Variants in DCAF17 observed in about 807,000 individuals in gnomAD.
DCAF17 encodes DDB1 and CUL4 associated factor 17, also known as DDB1- and CUL4-associated factor 17.
In DCAF17, 48 loss-of-function variants were observed where a neutral mutation model predicts 66.0. That is an observed-to-expected ratio of 0.73 (90% CI 0.58 to 0.92). The LOEUF is 0.92. Ranked by LOEUF, DCAF17 falls within the 40% of genes least tolerant of loss-of-function variation. The pLI is 0.00. For synonymous variants in DCAF17, 206 were observed against 214.6 expected, an observed-to-expected ratio of 0.96 and a Z score of 0.35; for missense variants, 562 against 622.8, an observed-to-expected ratio of 0.90 and a Z score of 1.04.
chr2:171,460,086 A>G (rs1489056828), intron 8 of DCAF17, among the ~76,000 whole-genome samples: 7 of 152,136 alleles, frequency 4.6e-5, no homozygotes, highest in Admixed American at 4.6e-4. Context: ...GCACTTTGGG[A>G]GGCTGAGGCG....
In DCAF17 at chr2:171,439,352, C is replaced by G. The variant is rs1694155547; in HGVS notation, c.230+4166C>G. ...GAATATTCTGTTCTACTTTTTCTTT[C>G]TTTTTCCTCTTTTATTGCCCCAGCT... On this transcript the variant is annotated intron_variant, in intron 2 of 13. Transcript: ENST00000375255. Among the ~76,000 whole-genome samples the G allele has an allele frequency of 2.0e-5, 3 of 151,662 alleles. No homozygotes were observed. The South Asian group carries it at 6.2e-4, about 32-fold the overall frequency.
rs1695347449 is a variant in DCAF17, at chr2:171,457,881, A to G, written c.628-90A>G. The G allele has an allele frequency of 3.0e-6, 3 of 1,001,604 alleles. No homozygotes were observed. In the African/African-American group the frequency reaches 4.8e-5, roughly 16 times the overall value. The allele number at this position is 1,001,604 out of a possible 1,614,324, so 62.0% of individuals were successfully genotyped here. On this transcript the variant is annotated intron_variant, in intron 6 of 13. Coordinates refer to ENST00000375255, the MANE Select transcript of DCAF17 (RefSeq NM_025000.4). ...CGGCAGTGTTATCATAGTGACATGAATATTAAGCAAGAGTACAAACCACTG... is the reference window on the plus strand; with the variant it reads ...CGGCAGTGTTATCATAGTGACATGAGTATTAAGCAAGAGTACAAACCACTG...
At chr2:171,468,852 A>G in intron 8 of DCAF17, 36 bp from the exon 9 acceptor site, 2 of 1,614,044 alleles carry the variant, frequency 1.2e-6, no homozygotes, top group Non-Finnish European at 1.7e-6. Context: ...CCCCCAGAAC[A>G]GTGCAGCTAA....
intron 12 of DCAF17, among the ~76,000 whole-genome samples, chr2:171,478,345 T>A (rs1462540817): frequency 1.3e-5 from 2 of 152,110 alleles, no homozygotes; most frequent in Admixed American, 6.5e-5. Context: ...TTATTTTGTA[T>A]TGTTTTGTTT....
chr2:171,440,040 T>C (rs1468395877), intron 2 of DCAF17, among the ~76,000 whole-genome samples: 1 of 152,178 alleles, frequency 6.6e-6, no homozygotes, highest in Admixed American at 6.5e-5. Context: ...TAGTGCACTG[T>C]AGCCCCAAAC....
At chr2:171,473,392 G>A (rs571765992) in intron 9 of DCAF17, among the ~76,000 whole-genome samples, 2 of 152,096 alleles carry the variant, frequency 1.3e-5, no homozygotes, top group East Asian at 3.9e-4. Context: ...ATCACTTGAG[G>A]CCAGGAGTTT....
rs1882378 is a variant in DCAF17 at position 171,480,753 on chromosome 2, C to T, written c.1423-221C>T. ...GCAATAGAATCTGGGTATTTAGACT[C>T]CTGGGTCCAGAGTTCTTTTTATTCT... is the stretch of plus-strand genomic sequence containing the variant. On this transcript the variant is annotated intron_variant, in intron 13 of 13. Transcript: ENST00000375255. Among the ~76,000 whole-genome samples the T allele has an allele frequency of 0.031, 4,650 of 152,222 alleles. 80 individuals carry two copies. The highest frequency in any genetic ancestry group is 0.051 in the East Asian group (266 of 5,188).
intron 2 of DCAF17, among the ~76,000 whole-genome samples, chr2:171,437,596 T>G (rs1443425153): frequency 1.3e-5 from 2 of 152,240 alleles, no homozygotes; most frequent in African/African-American, 4.8e-5. Flanking sequence ...TTACATTTCT[T>G]TAATAGATAC....
At chr2:171,447,688 AAC>A (rs1694714876) in intron 3 of DCAF17, among the ~76,000 whole-genome samples, 1 of 152,064 alleles carries the variant, frequency 6.6e-6, no homozygotes, top group Non-Finnish European at 1.5e-5. Flanking sequence ...TTTATCTAGA[AAC>A]AGAGTCTTGC....
At chr2:171,462,024 G>A (rs545106801) in intron 8 of DCAF17, among the ~76,000 whole-genome samples, 4 of 152,084 alleles carry the variant, frequency 2.6e-5, no homozygotes, top group Non-Finnish European at 5.9e-5. Flanking sequence ...TATATTATGA[G>A]TATTTCCATC....
chr2:171,480,201 G>T lies in DCAF17; in HGVS notation c.1422+8G>T, dbSNP rs1022750264. On this transcript the variant is annotated splice_region_variant and intron_variant, in intron 13 of 13. Coordinates refer to ENST00000375255, the MANE Select transcript of DCAF17 (RefSeq NM_025000.4). ...GTGGAGTCATGGGATGTGGTGAGTA[G>T]AGTCCGTGGGATACAAAGTTGTAAA... The T allele has an allele frequency of 6.2e-7, 1 of 1,612,776 alleles. No homozygotes were observed. The highest frequency in any genetic ancestry group is 1.7e-5 in the Admixed American group (1 of 59,946).
chr2:171,484,017 G>T lies in DCAF17; in HGVS notation c.*2903G>T, dbSNP rs912685245. Reference sequence around the variant, plus strand: ...AATCGTTTTTTACTGATGATTCAGTGTCTAAATTTTGAACAAATTTGGGTA... The same window carrying T: ...AATCGTTTTTTACTGATGATTCAGTTTCTAAATTTTGAACAAATTTGGGTA... On this transcript the variant is annotated 3_prime_UTR_variant, in exon 14 of 14. Transcript: ENST00000375255. The T allele has an allele frequency of 4.4e-6, 2 of 453,804 alleles. No homozygotes were observed. The highest frequency in any genetic ancestry group is 2.0e-5 in the African/African-American group (1 of 50,076). The allele number at this position is 453,804 out of a possible 1,614,324, so 28.1% of individuals were successfully genotyped here.
In DCAF17 at chr2:171,459,755, A is replaced by G. The variant is rs183521978; in HGVS notation, c.838+1278A>G. The stretch of plus-strand genomic sequence containing the variant: ...TTTGGTAGTAAATGACAAATTATAA[A>G]AACTACTGGGAGTTCAAGTAAGTTA... On this transcript the variant is annotated intron_variant, in intron 8 of 13. Coordinates refer to ENST00000375255, the MANE Select transcript of DCAF17 (RefSeq NM_025000.4). 1.1e-4 allele frequency among the ~76,000 whole-genome samples: 16 copies of G among 152,350 alleles called. 1 individual carries two copies. In the East Asian group the frequency reaches 3.1e-3, roughly 29 times the overall value.
chr2:171,438,018 C>T lies in DCAF17; in HGVS notation c.230+2832C>T, dbSNP rs1694069107. ...TTACTGCTATACCTTTTCCTCTAAG[C>T]ATTGTTTTTGTTGCATCCCACAAAT... On this transcript the variant is annotated intron_variant, in intron 2 of 13. Coordinates refer to ENST00000375255, the MANE Select transcript of DCAF17 (RefSeq NM_025000.4). Among the ~76,000 whole-genome samples, 2 of 152,198 alleles carry T rather than the reference C, an allele frequency of 1.3e-5. 1 individual carries two copies. The highest frequency in any genetic ancestry group is 4.8e-5 in the African/African-American group (2 of 41,452).
At chr2:171,439,151 C>T (rs1211963956) in intron 2 of DCAF17, among the ~76,000 whole-genome samples, 1 of 151,978 alleles carries the variant, frequency 6.6e-6, no homozygotes, top group Non-Finnish European at 1.5e-5. Flanking sequence ...AAGATTTTCT[C>T]TTCACTTTTG....
In DCAF17 at chr2:171,466,301, T is replaced by C. The variant is rs758118536; in HGVS notation, c.839-2587T>C. Among the ~76,000 whole-genome samples the C allele has an allele frequency of 1.7e-3, 252 of 152,356 alleles. 5 individuals carry two copies. The highest frequency in any genetic ancestry group is 8.2e-4 in the Non-Finnish European group (56 of 68,022). Reference sequence around the variant, plus strand: ...TTTGATAAATAGTAAAGTTATTTTGTATGCTTTATGTTAAAATTGTCTTTT... The same window carrying C: ...TTTGATAAATAGTAAAGTTATTTTGCATGCTTTATGTTAAAATTGTCTTTT... On this transcript the variant is annotated intron_variant, in intron 8 of 13. Transcript: ENST00000375255.
At position 171,469,150 on chromosome 2, in the gene DCAF17, A is replaced by G. The variant is rs892227679; in HGVS notation, c.981+120A>G. 9 of 1,095,806 alleles carry G rather than the reference A, an allele frequency of 8.2e-6. No homozygotes were observed. The Admixed American group carries it at 1.2e-4, about 15-fold the overall frequency. 67.9% of individuals were successfully genotyped at this position (1,095,806 alleles called of 1,614,324 possible). On this transcript the variant is annotated intron_variant, in intron 9 of 13. Coordinates refer to ENST00000375255, the MANE Select transcript of DCAF17 (RefSeq NM_025000.4). The stretch of plus-strand genomic sequence containing the variant: ...TTGTGCATTTGTATTAACAATTTGC[A>G]AACAATTTAAAATACAGAAGAATAC...
At chr2:171,476,257 C>A (rs966447961) in intron 10 of DCAF17, among the ~76,000 whole-genome samples, 10 of 151,706 alleles carry the variant, frequency 6.6e-5, no homozygotes, top group Non-Finnish European at 1.2e-4. Flanking sequence ...ATTTTATTTT[C>A]TTTTAATAGG....
intron 2 of DCAF17, 104 bp downstream of exon 2, chr2:171,435,290 G>GA (rs1693800807): frequency 2.3e-6 from 2 of 859,584 alleles, no homozygotes; most frequent in African/African-American, 1.7e-5. Context: ...GAAATAGAAT[G>GA]AAAAAAATGG....
Sources: allele counts gnomAD v4.1 joint callset (sites outside exome capture counted in the v4.1 genomes callset), GRCh38; gene constraint gnomAD v4.1.1; transcripts MANE v1.5; gene names NCBI Gene and HGNC (gene_info 2026-07-23, HGNC 2026-07-21).